Variants in RUVBL1 observed in about 807,000 individuals in gnomAD.
RUVBL1 encodes the protein ruvB-like 1.
In RUVBL1, 4 loss-of-function variants were observed where a neutral mutation model predicts 52.4. The observed-to-expected ratio is 0.08, with a 90% CI of 0.04 to 0.17. The LOEUF (loss-of-function observed/expected upper bound fraction) is 0.17. Ranked by LOEUF, RUVBL1 falls within the 10% of genes least tolerant of loss-of-function variation. The pLI is 1.00. For missense variants in RUVBL1, 298 were observed against 572.8 expected, an observed-to-expected ratio of 0.52 and a Z score of 4.90; for synonymous variants, 217 against 214.4, an observed-to-expected ratio of 1.01 and a Z score of -0.10.
chr3:128,138,165 A>G (rs927066295), intron 1 of RUVBL1, among the ~76,000 whole-genome samples: 1 of 152,152 alleles, frequency 6.6e-6, no homozygotes, highest in African/African-American at 2.4e-5. Context: ...ACTATTATTC[A>G]ACATAGTACT....
intron 3 of RUVBL1, among the ~76,000 whole-genome samples, chr3:128,109,120 G>A (rs998742889): frequency 3.3e-5 from 5 of 152,230 alleles, no homozygotes; most frequent in African/African-American, 1.2e-4. Context: ...GGAAGGGGTT[G>A]TGACCAGGGA....
At chr3:128,095,371 TTCA>T (rs1054328839) in intron 8 of RUVBL1, among the ~76,000 whole-genome samples, 7 of 152,252 alleles carry the variant, frequency 4.6e-5, no homozygotes, top group African/African-American at 1.7e-4. Context: ...ACTGTCAGGC[TTCA>T]GCCTGGCCTA....
At chr3:128,069,133 A>G (rs1283106512) in intron 9 of RUVBL1, among the ~76,000 whole-genome samples, 1 of 152,268 alleles carries the variant, frequency 6.6e-6, no homozygotes, top group Non-Finnish European at 1.5e-5. Flanking sequence ...TAAATTTAAT[A>G]TATTTAACCT....
intron 1 of RUVBL1, among the ~76,000 whole-genome samples, chr3:128,120,246 G>C (rs931307986): frequency 6.6e-6 from 1 of 152,192 alleles, no homozygotes. Flanking sequence ...TAAGGGGTAA[G>C]AATCAATGAC....
intron 1 of RUVBL1, among the ~76,000 whole-genome samples, chr3:128,141,437 G>A (rs957274548): frequency 2.0e-5 from 3 of 151,244 alleles, no homozygotes; most frequent in Non-Finnish European, 4.4e-5. Context: ...CACTGGGAGG[G>A]GCATAACACA....
At position 128,123,748 on chromosome 3, in the gene RUVBL1, C is replaced by A; in HGVS notation, c.-24G>T. On this transcript the variant is annotated 5_prime_UTR_variant, in exon 1 of 11. Transcript: ENST00000322623. ...ATTTTGCAGACGCCGGGAGCTAAAA[C>A]CAGCGTGGAAAACCAGCAGCTAGGA... 1 of 1,586,206 alleles carries A rather than the reference C, an allele frequency of 6.3e-7. No individual in the cohort carries two copies. The highest frequency in any genetic ancestry group is 8.6e-7 in the Non-Finnish European group (1 of 1,161,268).
chr3:128,143,000 C>T (rs910466419), intron 1 of RUVBL1, among the ~76,000 whole-genome samples: 2 of 151,910 alleles, frequency 1.3e-5, no homozygotes, highest in Admixed American at 6.6e-5. Flanking sequence ...AGGCTGGTCT[C>T]GAACTCCTGA....
At chr3:128,143,816 G>A (rs1402685356) in intron 1 of RUVBL1, among the ~76,000 whole-genome samples, 1 of 152,096 alleles carries the variant, frequency 6.6e-6, no homozygotes, top group Non-Finnish European at 1.5e-5. Context: ...CTGAGACTGA[G>A]GTCAGCCCCC....
Position 128,081,108 on chromosome 3 carries a change from A to ATGC in RUVBL1, c.*139_*141dup. 1.4e-6 allele frequency: 1 copy of ATGC among 724,788 alleles called. No individual in the cohort carries two copies. Among genetic ancestry groups the ATGC allele is most frequent in the South Asian group, 2.2e-5 (1 of 46,086 alleles). The allele number at this position is 724,788 out of a possible 1,614,324, so 44.9% of individuals were successfully genotyped here. A position where few individuals can be genotyped will look rare whatever the true frequency, so the allele number is the denominator to read the frequency against. ...AACAGTTACGATAACTTAAAAAGAA[A>ATGC]TGCTTTCCACACTGAACTGACAGCG... On this transcript the variant is annotated 3_prime_UTR_variant, in exon 11 of 11. Coordinates refer to ENST00000322623, the MANE Select transcript of RUVBL1 (RefSeq NM_003707.3). The surrounding 1 kb of genome is among the most constrained non-coding windows in gnomAD (Gnocchi z 4.8).
chr3:128,068,884 C>T (rs1559799783), intron 9 of RUVBL1: 1 of 152,354 alleles, frequency 6.6e-6, no homozygotes, highest in Non-Finnish European at 1.5e-5. Context: ...ACAAAGTCAG[C>T]TGCAGACCAG....
chr3:128,105,831 C>G (rs539427552), intron 3 of RUVBL1, among the ~76,000 whole-genome samples: 1 of 148,018 alleles, frequency 6.8e-6, no homozygotes, highest in Non-Finnish European at 1.5e-5. Flanking sequence ...ATGTGTTGCT[C>G]TACAATTTTC....
intron 1 of RUVBL1, among the ~76,000 whole-genome samples, chr3:128,128,973 C>T (rs1392142555): frequency 6.6e-6 from 1 of 152,116 alleles, no homozygotes; most frequent in Non-Finnish European, 1.5e-5. Flanking sequence ...TCCATCTATC[C>T]TCCCTGATCA....
At chr3:128,068,841 AATG>A (rs979893672) in intron 9 of RUVBL1, 4 of 152,620 alleles carry the variant, frequency 2.6e-5, no homozygotes, top group Non-Finnish European at 5.9e-5. Flanking sequence ...ACAACAGACA[AATG>A]AGCATGGCCG....
intron 8 of RUVBL1, among the ~76,000 whole-genome samples, chr3:128,096,731 G>A (rs890640803): frequency 6.6e-6 from 1 of 152,128 alleles, no homozygotes; most frequent in Non-Finnish European, 1.5e-5. Flanking sequence ...GGAGGCTGAG[G>A]CAGGAGAATG....
Position 128,065,367 on chromosome 3 carries a change from C to G in RUVBL1, c.940-147G>C, listed in dbSNP as rs1941934930. 5.2e-6 allele frequency: 3 copies of G among 576,458 alleles called. No individual in the cohort carries two copies. In the South Asian group the frequency reaches 6.8e-5, roughly 13 times the overall value. The allele number at this position is 576,458 out of a possible 1,614,324, so 35.7% of individuals were successfully genotyped here. A position where few individuals can be genotyped will look rare whatever the true frequency, so the allele number is the denominator to read the frequency against. ...ACTCTAGCTCTGAAACCTCATTGCT[C>G]TCTTATAGAAAGTTTGTATGATATT... On this transcript the variant is annotated intron_variant, in intron 9 of 9. Transcript: ENST00000464873.
chr3:128,098,756 TGAGG>T, intron 7 of RUVBL1, 122 bp downstream of exon 7: 1 of 792,942 alleles, frequency 1.3e-6, no homozygotes, highest in South Asian at 1.5e-5. Flanking sequence ...CTCTAAGCTA[TGAGG>T]AAGAAAGAAC....
At position 128,098,937 on chromosome 3, in the gene RUVBL1, T is replaced by C; in HGVS notation, c.762A>G (p.Gln254=). ...DVANARPQGG[Q]DILSMMGQLM... ...GCTGGCCCATCATGGACAGGATATC[T>C]TGTCCCCCCTGCATAAGAGAAGACT... Residue 254 remains glutamine, a synonymous_variant, in exon 7 of 11, where the codon CAA becomes CAG. Transcript: ENST00000322623. 6.2e-7 allele frequency: 1 copy of C among 1,613,510 alleles called. No homozygotes were observed. The highest frequency in any genetic ancestry group is 1.3e-5 in the African/African-American group (1 of 75,024).
intron 3 of RUVBL1, among the ~76,000 whole-genome samples, chr3:128,109,183 A>G (rs1316697355): frequency 6.6e-6 from 1 of 152,184 alleles, no homozygotes; most frequent in Non-Finnish European, 1.5e-5. Flanking sequence ...TGGTGACGGT[A>G]TAAGCCTTTA....
At chr3:128,120,777 TG>T in intron 1 of RUVBL1, among the ~76,000 whole-genome samples, 1 of 151,904 alleles carries the variant, frequency 6.6e-6, no homozygotes, top group East Asian at 1.9e-4. Context: ...CCTGCCACCA[TG>T]CCTAGCTAAT....
Sources: gnomAD v4.1 joint callset for allele counts (sites outside exome capture counted in the v4.1 genomes callset) on GRCh38, gnomAD v4.1.1 for gene constraint, Gnocchi (gnomAD v3.1) non-coding constraint, MANE v1.5 for transcripts, NCBI Gene and HGNC (gene_info 2026-07-23, HGNC 2026-07-21) for gene names.